Variants in NBEA observed in about 807,000 individuals in gnomAD.
NBEA encodes neurobeachin.
A neutral mutation model predicts 343.4 loss-of-function variants in NBEA; 44 were observed. That is an observed-to-expected ratio of 0.13 (90% CI 0.10 to 0.16). NBEA has a LOEUF of 0.16. Ranked by LOEUF, NBEA falls within the 10% of genes least tolerant of loss-of-function variation. NBEA has a pLI of 1.00. For synonymous variants in NBEA, 1,175 were observed against 1,238.7 expected, an observed-to-expected ratio of 0.95 and a Z score of 1.08; for missense variants, 2,555 against 3,631.3, an observed-to-expected ratio of 0.70 and a Z score of 7.62.
At chr13:35,125,791 T>C (rs2067095784) in intron 17 of NBEA, among the ~76,000 whole-genome samples, 1 of 152,144 alleles carries the variant, frequency 6.6e-6, no homozygotes, top group Non-Finnish European at 1.5e-5. Flanking sequence ...AGCATTTTGA[T>C]TTAAAAATTT....
At chr13:35,517,136 A>G (rs952583182) in intron 41 of NBEA, among the ~76,000 whole-genome samples, 3 of 152,234 alleles carry the variant, frequency 2.0e-5, no homozygotes, top group East Asian at 1.9e-4. Flanking sequence ...TGATTTCTGC[A>G]TAACATTTGA....
At chr13:35,451,187 G>T (rs2046292750) in intron 39 of NBEA, among the ~76,000 whole-genome samples, 1 of 152,082 alleles carries the variant, frequency 6.6e-6, no homozygotes, top group Non-Finnish European at 1.5e-5. Context: ...GCAGTGGCGC[G>T]ATCTCGGCTC....
chr13:35,489,057 C>T (rs186438277), intron 41 of NBEA, among the ~76,000 whole-genome samples: 271 of 151,176 alleles, frequency 1.8e-3, no homozygotes, highest in African/African-American at 6.2e-3. Flanking sequence ...TCTTTAAGTG[C>T]AGGCGCATGT....
At chr13:35,605,810 A>G (rs2082258509) in intron 47 of NBEA, among the ~76,000 whole-genome samples, 1 of 152,184 alleles carries the variant, frequency 6.6e-6, no homozygotes, top group Admixed American at 6.5e-5. Flanking sequence ...TTTATTGAGA[A>G]CCTGTCATTT....
At chr13:35,112,133 G>T (rs1188049924) in intron 13 of NBEA, among the ~76,000 whole-genome samples, 4 of 151,544 alleles carry the variant, frequency 2.6e-5, no homozygotes, top group Admixed American at 2.0e-4. Flanking sequence ...TAGCCAGGAT[G>T]GTGTTGATCT....
At chr13:35,022,181 G>A (rs1431450682) in intron 1 of NBEA, among the ~76,000 whole-genome samples, 5 of 152,042 alleles carry the variant, frequency 3.3e-5, no homozygotes, top group Non-Finnish European at 7.4e-5. Flanking sequence ...TGGCAGTCAG[G>A]TATCCTTACT....
At chr13:35,006,287 A>G (rs1297086155) in intron 1 of NBEA, among the ~76,000 whole-genome samples, 1 of 151,638 alleles carries the variant, frequency 6.6e-6, no homozygotes, top group Non-Finnish European at 1.5e-5. Context: ...TTATTTTGCT[A>G]TTCTTTTAGT....
chr13:35,238,970 G>A (rs1400084485), intron 34 of NBEA, among the ~76,000 whole-genome samples: 1 of 151,940 alleles, frequency 6.6e-6, no homozygotes, highest in Non-Finnish European at 1.5e-5. Context: ...ATTTGTAGTA[G>A]CATTATAGGC....
chr13:35,485,328 C>A (rs2076270534), intron 41 of NBEA, among the ~76,000 whole-genome samples: 1 of 151,966 alleles, frequency 6.6e-6, no homozygotes, highest in South Asian at 2.1e-4. Flanking sequence ...CTTAATTAAT[C>A]ACCCAGCCCT....
Position 35,070,822 on chromosome 13 carries a change from T to C in NBEA, c.1541T>C (p.Leu514Pro). 1 of 1,610,198 alleles carries C rather than the reference T, an allele frequency of 6.2e-7. No homozygotes were observed. Among genetic ancestry groups the C allele is most frequent in the Non-Finnish European group, 8.5e-7 (1 of 1,178,698 alleles). ...TTTGCCCAATTGGATAATAGGCAGC[T>C]CAATGACAGTCAAGTGGAAACAACT... is the stretch of plus-strand genomic sequence containing the variant. Reference protein sequence around the residue: ...PLFAQLDNRQLNDSQVETTVC... With the variant: ...PLFAQLDNRQPNDSQVETTVC... Residue 514 changes from leucine (L) to proline (P), a missense_variant, in exon 10 of 59, where the codon CTC becomes CCC. Around this residue, in one of 21 missense-constraint regions of NBEA, gnomAD observed 360 missense variants for 519.1 expected, o/e 0.69. Transcript: ENST00000379939.
At chr13:35,397,553 C>G (rs1327774414) in intron 38 of NBEA, among the ~76,000 whole-genome samples, 1 of 152,108 alleles carries the variant, frequency 6.6e-6, no homozygotes, top group Non-Finnish European at 1.5e-5. Context: ...GTATCCTCAG[C>G]TCCTAGAAAT....
At chr13:35,221,142 G>A (rs111810984) in intron 33 of NBEA, among the ~76,000 whole-genome samples, 14,656 of 151,890 alleles carry the variant, frequency 0.096, 727 homozygotes, top group South Asian at 0.12. Context: ...TCAGGAGTTC[G>A]AGACCAGCCT....
At chr13:35,067,659 A>C (rs2063705267) in intron 8 of NBEA, among the ~76,000 whole-genome samples, 1 of 152,126 alleles carries the variant, frequency 6.6e-6, no homozygotes, top group African/African-American at 2.4e-5. Flanking sequence ...TCTTCCTCTG[A>C]AAATCCTTCT....
At chr13:34,996,149 T>A (rs532310393) in intron 1 of NBEA, among the ~76,000 whole-genome samples, 1 of 152,208 alleles carries the variant, frequency 6.6e-6, no homozygotes, top group Non-Finnish European at 1.5e-5. Flanking sequence ...CCATCTTGAA[T>A]GTGCAAATTA....
At chr13:35,110,056 GTTT>G (rs1158865546) in intron 12 of NBEA, among the ~76,000 whole-genome samples, 1 of 78,324 alleles carries the variant, frequency 1.3e-5, no homozygotes, top group East Asian at 3.4e-4. Flanking sequence ...TTTTTTAAAT[GTTT>G]TTTTTTTTTA....
At chr13:34,960,798 C>T (rs879942469) in intron 1 of NBEA, among the ~76,000 whole-genome samples, 3 of 152,042 alleles carry the variant, frequency 2.0e-5, no homozygotes, top group Non-Finnish European at 4.4e-5. Context: ...TGTACAACAA[C>T]AAAATCAACT....
At chr13:35,467,854 A>G (rs2152955968) in intron 40 of NBEA, among the ~76,000 whole-genome samples, 1 of 152,348 alleles carries the variant, frequency 6.6e-6, no homozygotes, top group South Asian at 2.1e-4. Flanking sequence ...AACTAAGGTT[A>G]GGAAATATTC....
chr13:35,121,804 G>A (rs1189909926), intron 16 of NBEA, among the ~76,000 whole-genome samples: 2 of 152,052 alleles, frequency 1.3e-5, no homozygotes. Flanking sequence ...TTGTATCACT[G>A]AAACTATGAA....
intron 17 of NBEA, among the ~76,000 whole-genome samples, chr13:35,125,736 G>A (rs957083473): frequency 9.9e-5 from 15 of 152,094 alleles, no homozygotes; most frequent in African/African-American, 3.6e-4. Flanking sequence ...AAAGTAACCA[G>A]TACATGAATA....
Sources: allele counts gnomAD v4.1 joint callset (sites outside exome capture counted in the v4.1 genomes callset), GRCh38; gene constraint gnomAD v4.1.1; regional missense constraint gnomAD v4.1.1; transcripts MANE v1.5; gene names NCBI Gene and HGNC (gene_info 2026-07-23, HGNC 2026-07-21).